The following CHN1 variants were observed in gnomAD, a reference collection of about 807,000 sequenced individuals.
The protein encoded by CHN1 is chimerin 1.
In CHN1, 37 loss-of-function variants were observed where a neutral mutation model predicts 59.5. The observed-to-expected ratio is 0.62, with a 90% confidence interval of 0.48 to 0.82. The LOEUF is 0.82. Ranked by LOEUF, CHN1 falls within the 40% of genes least tolerant of loss-of-function variation. The pLI is 0.00. For synonymous variants in CHN1, 206 were observed against 200.4 expected, an observed-to-expected ratio of 1.03 and a Z score of -0.24; for missense variants, 469 against 571.0, an observed-to-expected ratio of 0.82 and a Z score of 1.82.
intron 7 of CHN1, among the ~76,000 whole-genome samples, chr2:174,824,827 T>A (rs1054596672): frequency 1.3e-5 from 2 of 152,104 alleles, no homozygotes; most frequent in African/African-American, 4.8e-5. Flanking sequence ...CTCAGGCTAG[T>A]CTTGAACTTC....
chr2:174,868,811 G>A (rs952284089), intron 6 of CHN1, among the ~76,000 whole-genome samples: 1 of 152,156 alleles, frequency 6.6e-6, no homozygotes, highest in African/African-American at 2.4e-5. Flanking sequence ...AGCATAAGGA[G>A]AGAAATCTAA....
intron 6 of CHN1, among the ~76,000 whole-genome samples, chr2:174,850,031 C>G (rs1270123981): frequency 6.6e-6 from 1 of 152,124 alleles, no homozygotes; most frequent in Non-Finnish European, 1.5e-5. Flanking sequence ...AATGTAGTAA[C>G]CAAGATCTTA....
intron 5 of CHN1, among the ~76,000 whole-genome samples, chr2:174,901,060 G>T (rs1482459871): frequency 6.6e-6 from 1 of 152,114 alleles, no homozygotes; most frequent in Non-Finnish European, 1.5e-5. Flanking sequence ...AAGAGAAAAG[G>T]TAACAAGTAA....
intron 5 of CHN1, among the ~76,000 whole-genome samples, chr2:174,913,049 G>A (rs559636641): frequency 6.6e-6 from 1 of 152,306 alleles, no homozygotes; most frequent in South Asian, 2.1e-4. Context: ...AAAGAGATAT[G>A]AAGGTCTGGG....
chr2:174,822,083 C>A (rs1396655985), intron 8 of CHN1, among the ~76,000 whole-genome samples: 2 of 152,178 alleles, frequency 1.3e-5, no homozygotes, highest in Non-Finnish European at 2.9e-5. Flanking sequence ...ATCTCACTGT[C>A]AATCCAAATA....
chr2:174,898,642 T>G (rs1688291600), intron 5 of CHN1, among the ~76,000 whole-genome samples: 1 of 152,130 alleles, frequency 6.6e-6, no homozygotes. Flanking sequence ...TCCGGTTACT[T>G]GTAGTCAAAC....
chr2:174,912,803 TTG>T (rs1360411982), intron 5 of CHN1, among the ~76,000 whole-genome samples: 3 of 152,220 alleles, frequency 2.0e-5, no homozygotes, highest in Admixed American at 1.3e-4. Flanking sequence ...TCAATGTATA[TTG>T]TGAGTAAAAT....
chr2:174,883,739 G>C lies in CHN1; in HGVS notation c.261-5611C>G, dbSNP rs1687807120. ...AATATGCTCAAAAAACCCAAAATAA[G>C]ATGTTTCCTGTTCCTATTCTTGAAT... On this transcript the variant is annotated intron_variant, in intron 5 of 12. Transcript: ENST00000409900. 2.0e-5 allele frequency among the ~76,000 whole-genome samples: 3 copies of C among 152,044 alleles called. No individual in the cohort carries two copies. The South Asian group carries it at 6.2e-4, about 32-fold the overall frequency.
chr2:174,887,056 T>C (rs1227236255), intron 5 of CHN1, among the ~76,000 whole-genome samples: 2 of 152,170 alleles, frequency 1.3e-5, no homozygotes, highest in Non-Finnish European at 2.9e-5. Flanking sequence ...TTCTATTTTA[T>C]ATAAATGGAA....
intron 3 of CHN1, among the ~76,000 whole-genome samples, chr2:174,927,041 A>C (rs1283923242): frequency 2.6e-5 from 4 of 152,100 alleles, no homozygotes; most frequent in African/African-American, 4.8e-5. Flanking sequence ...TACAGGCGTG[A>C]GCCACTGCGC....
At chr2:174,897,865 C>T in intron 5 of CHN1, among the ~76,000 whole-genome samples, 1 of 152,216 alleles carries the variant, frequency 6.6e-6, no homozygotes, top group South Asian at 2.1e-4. Flanking sequence ...GGAAAGAACC[C>T]ACTTAAAGTA....
At chr2:174,817,157 T>C (rs1685297058) in intron 8 of CHN1, among the ~76,000 whole-genome samples, 1 of 152,240 alleles carries the variant, frequency 6.6e-6, no homozygotes, top group African/African-American at 2.4e-5. Context: ...AAGATGTATT[T>C]GCTATTTTCA....
At chr2:174,931,134 A>G (rs866070370) in intron 3 of CHN1, among the ~76,000 whole-genome samples, 746 of 42,894 alleles carry the variant, frequency 0.017, 4 homozygotes, top group African/African-American at 0.086. Context: ...AATATATGGC[A>G]AAAAAAAAAA....
At chr2:174,896,072 A>T (rs539238630) in intron 5 of CHN1, among the ~76,000 whole-genome samples, 1 of 152,164 alleles carries the variant, frequency 6.6e-6, no homozygotes, top group East Asian at 1.9e-4. Flanking sequence ...AATTTTTTTA[A>T]ATTATAGGAG....
intron 6 of CHN1, among the ~76,000 whole-genome samples, chr2:174,853,694 C>G (rs1301497063): frequency 3.3e-5 from 5 of 152,186 alleles, no homozygotes; most frequent in African/African-American, 4.8e-5. Context: ...ACGGAATCAA[C>G]CCAGGTGCCC....
At chr2:174,947,226 A>C (rs1574199217) in intron 2 of CHN1, among the ~76,000 whole-genome samples, 1 of 152,172 alleles carries the variant, frequency 6.6e-6, no homozygotes, top group African/African-American at 2.4e-5. Flanking sequence ...AGCCACTATG[A>C]AAAAAAGGGA....
intron 6 of CHN1, chr2:174,847,665 G>T: frequency 7.6e-7 from 1 of 1,307,514 alleles, no homozygotes; most frequent in Non-Finnish European, 1.0e-6. Context: ...TAAGAAAGGA[G>T]ATAACCAATG....
At chr2:174,905,652 C>T (rs778185014) in intron 5 of CHN1, among the ~76,000 whole-genome samples, 75 of 152,012 alleles carry the variant, frequency 4.9e-4, no homozygotes, top group Non-Finnish European at 8.8e-4. Context: ...GCAAACTCCA[C>T]CTCCCGGGTT....
intron 5 of CHN1, among the ~76,000 whole-genome samples, chr2:174,899,197 G>C (rs1334212322): frequency 8.8e-6 from 1 of 113,800 alleles, no homozygotes; most frequent in Non-Finnish European, 1.8e-5. Flanking sequence ...TTTGGTAACT[G>C]AAAAGGAGGG....
Sources: gnomAD v4.1 joint callset for allele counts (sites outside exome capture counted in the v4.1 genomes callset) on GRCh38, gnomAD v4.1.1 for gene constraint, MANE v1.5 for transcripts, NCBI Gene and HGNC (gene_info 2026-07-23, HGNC 2026-07-21) for gene names.